The following STAG1 variants were observed in gnomAD, a reference collection of about 807,000 sequenced individuals.
STAG1 encodes STAG1 cohesin complex component.
A neutral mutation model predicts 170.9 loss-of-function variants in STAG1; 26 were observed. That is an observed-to-expected ratio of 0.15 (90% CI 0.11 to 0.21). STAG1 has a LOEUF of 0.21. Ranked by LOEUF, STAG1 falls within the 10% of genes least tolerant of loss-of-function variation. The probability of loss-of-function intolerance (pLI) is 1.00; values close to 1 mark genes in which losing one functional copy is unlikely to be tolerated. For missense variants in STAG1, 964 were observed against 1,509.5 expected, an observed-to-expected ratio of 0.64 and a Z score of 5.99; for synonymous variants, 514 against 497.7, an observed-to-expected ratio of 1.03 and a Z score of -0.44.
chr3:136,428,839 A>G (rs1358654070), intron 16 of STAG1, among the ~76,000 whole-genome samples: 1 of 152,170 alleles, frequency 6.6e-6, no homozygotes, highest in Non-Finnish European at 1.5e-5. Context: ...GAAATTAGAG[A>G]GCAAATAGAC....
chr3:136,548,627 A>AT (rs1391467297), intron 5 of STAG1, among the ~76,000 whole-genome samples: 3 of 152,214 alleles, frequency 2.0e-5, no homozygotes, highest in Non-Finnish European at 4.4e-5. Flanking sequence ...CAGTATGGAC[A>AT]TTTTAACAAT....
At chr3:136,494,597 T>C (rs1932974209) in intron 9 of STAG1, among the ~76,000 whole-genome samples, 1 of 152,126 alleles carries the variant, frequency 6.6e-6, no homozygotes, top group Non-Finnish European at 1.5e-5. Context: ...CATGTGGAAT[T>C]TCTCCCAGAA....
chr3:136,522,903 A>AT (rs1392086075), intron 6 of STAG1, among the ~76,000 whole-genome samples: 1 of 152,024 alleles, frequency 6.6e-6, no homozygotes, highest in East Asian at 1.9e-4. Context: ...TGAACTCATC[A>AT]TTTTTTATGG....
At position 136,541,044 on chromosome 3, in the gene STAG1, G is replaced by C. The variant is rs955643079; in HGVS notation, c.471+1075C>G. Among the ~76,000 whole-genome samples the C allele has an allele frequency of 2.6e-5, 4 of 151,728 alleles. No homozygotes were observed. In the East Asian group the frequency reaches 7.7e-4, roughly 29 times the overall value. On this transcript the variant is annotated intron_variant, in intron 6 of 33. Transcript: ENST00000383202. ...TCTGTTAATTTTCTTTAAACTAGTA[G>C]TTCCCAAGCTTTGGTATACATTAGA...
At chr3:136,485,039 G>C (rs547679823) in intron 9 of STAG1, among the ~76,000 whole-genome samples, 35 of 152,132 alleles carry the variant, frequency 2.3e-4, no homozygotes, top group Non-Finnish European at 4.4e-4. Context: ...CCCGTCTTCT[G>C]CGTCGCTCAC....
intron 1 of STAG1, among the ~76,000 whole-genome samples, chr3:136,670,087 TG>T (rs1941931759): frequency 6.6e-6 from 1 of 152,220 alleles, no homozygotes; most frequent in South Asian, 2.1e-4. Flanking sequence ...CCAGGAGGAC[TG>T]CTTGAGCCCA....
chr3:136,538,712 G>A (rs1267506011), intron 6 of STAG1, among the ~76,000 whole-genome samples: 5 of 152,082 alleles, frequency 3.3e-5, no homozygotes, highest in African/African-American at 1.2e-4. Flanking sequence ...AAGCCACCAT[G>A]CCTGACCACC....
chr3:136,472,011 A>C (rs2089639931), intron 12 of STAG1, among the ~76,000 whole-genome samples: 1 of 152,000 alleles, frequency 6.6e-6, no homozygotes, highest in South Asian at 2.1e-4. Flanking sequence ...TAATTTTTTT[A>C]ATCATTTGTA....
intron 5 of STAG1, among the ~76,000 whole-genome samples, chr3:136,563,541 C>A (rs908821527): frequency 3.3e-5 from 5 of 151,210 alleles, no homozygotes; most frequent in Admixed American, 2.6e-4. Context: ...CACAAACTCT[C>A]TCTCTCTCTC....
chr3:136,583,877 A>G (rs928965313), intron 4 of STAG1, among the ~76,000 whole-genome samples: 1 of 152,156 alleles, frequency 6.6e-6, no homozygotes, highest in African/African-American at 2.4e-5. Context: ...GGGAGGGAAG[A>G]TGTTTAGTGA....
rs141087313 is a variant in STAG1, at chr3:136,388,153, C to T, written c.2278-10401G>A. Among the ~76,000 whole-genome samples, 155 of 152,290 alleles carry T rather than the reference C, an allele frequency of 1.0e-3. 1 individual carries two copies. The highest frequency in any genetic ancestry group is 3.5e-3 in the African/African-American group (146 of 41,560). On this transcript the variant is annotated intron_variant, in intron 22 of 33. Transcript: ENST00000383202. Reference sequence around the variant, plus strand: ...ATAACATTTACTGTTAATTCAAACACTTCTTTCAATTTCATCTTCTCAACA... The same window carrying T: ...ATAACATTTACTGTTAATTCAAACATTTCTTTCAATTTCATCTTCTCAACA...
At chr3:136,700,050 T>C (rs919968729) in intron 1 of STAG1, among the ~76,000 whole-genome samples, 10 of 151,764 alleles carry the variant, frequency 6.6e-5, no homozygotes, top group African/African-American at 2.4e-4. Flanking sequence ...CTTTAAAATA[T>C]CTAAAATTGC....
At chr3:136,441,030 C>CT (rs68155305) in intron 15 of STAG1, among the ~76,000 whole-genome samples, 1,432 of 81,904 alleles carry the variant, frequency 0.017, 27 homozygotes, top group Non-Finnish European at 0.025. Flanking sequence ...ACCATCTTTC[C>CT]TTTTTTTTTT....
At chr3:136,504,356 C>G (rs373338975) in intron 7 of STAG1, among the ~76,000 whole-genome samples, 1 of 152,166 alleles carries the variant, frequency 6.6e-6, no homozygotes, top group South Asian at 2.1e-4. Flanking sequence ...ATGGATTTTT[C>G]AGGATTTTTG....
intron 16 of STAG1, among the ~76,000 whole-genome samples, chr3:136,431,418 GTATGCCACC>G (rs1282252973): frequency 1.3e-5 from 2 of 151,348 alleles, no homozygotes; most frequent in Non-Finnish European, 2.9e-5. Flanking sequence ...GACTACAAGC[GTATGCCACC>G]ATGCCTGGCT....
chr3:136,510,480 G>A (rs1576547199), intron 7 of STAG1, among the ~76,000 whole-genome samples: 1 of 152,046 alleles, frequency 6.6e-6, no homozygotes, highest in South Asian at 2.1e-4. Context: ...GTAGAGATGA[G>A]GCTTTCACCA....
chr3:136,630,858 T>G lies in STAG1; in HGVS notation c.29+12A>C. ...TTAAAAAATATAAAAAAAAGAAAAT[T>G]ACAATACTTACTGTAACACTGGTAA... On this transcript the variant is annotated intron_variant, in intron 2 of 33. Transcript: ENST00000383202. 1 of 1,537,154 alleles carries G rather than the reference T, an allele frequency of 6.5e-7. No individual in the cohort carries two copies. The highest frequency in any genetic ancestry group is 8.8e-7 in the Non-Finnish European group (1 of 1,138,660).
chr3:136,376,469 C>A (rs556499079), intron 23 of STAG1, among the ~76,000 whole-genome samples: 42 of 151,818 alleles, frequency 2.8e-4, no homozygotes, highest in Admixed American at 6.6e-4. Context: ...CACCTGCTTA[C>A]CAAACCCCAC....
chr3:136,594,420 C>T (rs1309568373), intron 4 of STAG1, among the ~76,000 whole-genome samples: 1 of 152,192 alleles, frequency 6.6e-6, no homozygotes, highest in Non-Finnish European at 1.5e-5. Context: ...AAGACACCTA[C>T]CTCTTGCCCA....
Sources: allele counts gnomAD v4.1 joint callset (sites outside exome capture counted in the v4.1 genomes callset), GRCh38; gene constraint gnomAD v4.1.1; transcripts MANE v1.5; gene names NCBI Gene and HGNC (gene_info 2026-07-23, HGNC 2026-07-21).